MSRB3: variants seen among roughly 807,000 people sequenced by gnomAD.
The protein encoded by MSRB3 is methionine-R-sulfoxide reductase B3.
In MSRB3, 13 loss-of-function variants were observed where a neutral mutation model predicts 21.0. The observed-to-expected ratio is 0.62, with a 90% CI of 0.40 to 0.98. The LOEUF (loss-of-function observed/expected upper bound fraction) is 0.98. Ranked by LOEUF, MSRB3 falls within the 50% of genes least tolerant of loss-of-function variation. MSRB3 has a pLI of 0.00. For missense variants in MSRB3, 199 were observed against 230.3 expected (o/e 0.86, Z 0.88); for synonymous variants, 87 against 88.6 (o/e 0.98, Z 0.10).
intron 4 of MSRB3, among the ~76,000 whole-genome samples, chr12:65,341,706 TAAA>T (rs1876155152): frequency 6.6e-6 from 1 of 151,528 alleles, no homozygotes; most frequent in Non-Finnish European, 1.5e-5. Context: ...AAATTAAAAA[TAAA>T]AAAGAAAATA....
chr12:65,456,639 T>C (rs968664653), intron 6 of MSRB3, among the ~76,000 whole-genome samples: 1 of 152,250 alleles, frequency 6.6e-6, no homozygotes, highest in Non-Finnish European at 1.5e-5. Flanking sequence ...CCCTTTTGGC[T>C]TCTTTTTCCA....
intron 5 of MSRB3, among the ~76,000 whole-genome samples, chr12:65,406,104 T>C (rs1209982781): frequency 6.6e-6 from 1 of 152,216 alleles, no homozygotes; most frequent in Non-Finnish European, 1.5e-5. Context: ...ATTTTTCTTT[T>C]GTTGCCTGTG....
intron 2 of MSRB3, among the ~76,000 whole-genome samples, chr12:65,322,952 C>T (rs1375934399): frequency 6.6e-6 from 1 of 152,090 alleles, no homozygotes; most frequent in Non-Finnish European, 1.5e-5. Flanking sequence ...CCACTTTAAT[C>T]ATAAAAACAA....
intron 4 of MSRB3, among the ~76,000 whole-genome samples, chr12:65,362,124 C>G (rs1877743691): frequency 6.6e-6 from 1 of 152,064 alleles, no homozygotes; most frequent in African/African-American, 2.4e-5. Context: ...AGTGAGGACT[C>G]TAGAGAAAGG....
At chr12:65,386,310 A>C (rs927756164) in intron 5 of MSRB3, among the ~76,000 whole-genome samples, 11 of 151,964 alleles carry the variant, frequency 7.2e-5, no homozygotes, top group African/African-American at 2.4e-4. Context: ...ATCAGAAAGG[A>C]TTAGAGGCAG....
At chr12:65,305,983 T>C (rs1006453175) in intron 1 of MSRB3, among the ~76,000 whole-genome samples, 30 of 152,228 alleles carry the variant, frequency 2.0e-4, no homozygotes, top group African/African-American at 7.0e-4. Context: ...TCCCAGGAGT[T>C]GTACCAAGCA....
intron 5 of MSRB3, among the ~76,000 whole-genome samples, chr12:65,394,270 A>G (rs1440945689): frequency 1.3e-5 from 2 of 152,198 alleles, no homozygotes; most frequent in Non-Finnish European, 2.9e-5. Context: ...TAATTGTTTT[A>G]CTTACGTAAT....
chr12:65,380,847 G>A lies in MSRB3; in HGVS notation c.292+11821G>A, dbSNP rs182871632. 2.0e-5 allele frequency among the ~76,000 whole-genome samples: 3 copies of A among 152,264 alleles called. No homozygotes were observed. In the South Asian group the frequency reaches 6.2e-4, roughly 32 times the overall value. On this transcript the variant is annotated intron_variant, in intron 5 of 6. Coordinates refer to ENST00000308259, the MANE Select transcript of MSRB3 (RefSeq NM_001031679.3). ...GATTTGATCCTAAGTAGTCCGATTC[G>A]AGAGTCTTAACCAATATGCAGTATA...
intron 5 of MSRB3, among the ~76,000 whole-genome samples, chr12:65,443,298 C>G (rs1882468569): frequency 6.6e-6 from 1 of 152,082 alleles, no homozygotes; most frequent in Non-Finnish European, 1.5e-5. Context: ...TGTCCTCAAA[C>G]AGATTCAAAT....
At chr12:65,411,201 C>T (rs1205018907) in intron 5 of MSRB3, among the ~76,000 whole-genome samples, 2 of 152,176 alleles carry the variant, frequency 1.3e-5, no homozygotes, top group Admixed American at 6.5e-5. Flanking sequence ...GGACATACAT[C>T]AAGTGAATAA....
intron 1 of MSRB3, among the ~76,000 whole-genome samples, chr12:65,303,374 G>A (rs1167149166): frequency 2.0e-5 from 3 of 152,058 alleles, no homozygotes; most frequent in Admixed American, 6.6e-5. Flanking sequence ...TAGAATTCAC[G>A]GGGGAGATGA....
At chr12:65,377,986 C>T (rs189794922) in intron 5 of MSRB3, among the ~76,000 whole-genome samples, 48 of 152,264 alleles carry the variant, frequency 3.2e-4, no homozygotes, top group Non-Finnish European at 4.1e-4. Flanking sequence ...AGGAGATCCA[C>T]GCAGGAGAGC....
chr12:65,335,976 G>A (rs1248752172), intron 4 of MSRB3, among the ~76,000 whole-genome samples: 1 of 152,186 alleles, frequency 6.6e-6, no homozygotes, highest in African/African-American at 2.4e-5. Context: ...AGAGTTCTGA[G>A]TGGTGGCTTA....
intron 4 of MSRB3, among the ~76,000 whole-genome samples, chr12:65,362,319 T>C (rs1461052776): frequency 6.6e-6 from 1 of 152,160 alleles, no homozygotes; most frequent in Non-Finnish European, 1.5e-5. Flanking sequence ...TCTCTCTCAT[T>C]TTCATGCAGA....
At chr12:65,289,769 G>T (rs766671807) in intron 1 of MSRB3, among the ~76,000 whole-genome samples, 10 of 151,914 alleles carry the variant, frequency 6.6e-5, no homozygotes, top group Non-Finnish European at 1.0e-4. Context: ...TAGATGTTTA[G>T]CTCCCACTTA....
At chr12:65,355,633 T>C (rs889394592) in intron 4 of MSRB3, among the ~76,000 whole-genome samples, 2 of 151,882 alleles carry the variant, frequency 1.3e-5, no homozygotes, top group Non-Finnish European at 2.9e-5. Flanking sequence ...ACATTTTACT[T>C]CTATGTACTC....
At position 65,453,821 on chromosome 12, in the gene MSRB3, C is replaced by T; in HGVS notation, c.386C>T (p.Ser129Phe). The part of the protein sequence containing the change: ...YGMHRVETSC[S>F]QCGAHLGHIF... ...ATGCACAGGGTGGAAACAAGCTGCT[C>T]TCAGGTGAGTTCATCCTTTCTGAAA... Residue 129 changes from serine to phenylalanine, a missense_variant, in exon 6 of 7, where the codon TCT (serine) becomes TTT (phenylalanine). Ser to Phe is a radical substitution (Grantham distance 155). Coordinates refer to ENST00000308259, the MANE Select transcript of MSRB3 (RefSeq NM_001031679.3). The T allele has an allele frequency of 6.2e-7, 1 of 1,613,244 alleles. No individual in the cohort carries two copies. The highest frequency in any genetic ancestry group is 2.2e-5 in the East Asian group (1 of 44,862).
intron 2 of MSRB3, among the ~76,000 whole-genome samples, chr12:65,322,565 G>A (rs1874744122): frequency 6.6e-6 from 1 of 150,878 alleles, no homozygotes; most frequent in African/African-American, 2.4e-5. Flanking sequence ...TGAGGCTGAG[G>A]CAGGAGAATC....
intron 5 of MSRB3, among the ~76,000 whole-genome samples, chr12:65,386,662 A>G (rs1268970982): frequency 6.6e-6 from 1 of 151,966 alleles, no homozygotes; most frequent in Non-Finnish European, 1.5e-5. Context: ...TTCATGTTGT[A>G]GCTTAAATTT....
Sources: gnomAD v4.1 joint callset for allele counts (sites outside exome capture counted in the v4.1 genomes callset) on GRCh38, gnomAD v4.1.1 for gene constraint, MANE v1.5 for transcripts, NCBI Gene and HGNC (gene_info 2026-07-23, HGNC 2026-07-21) for gene names.